The following SYT14 variants were observed in gnomAD, a reference collection of about 807,000 sequenced individuals.
SYT14 encodes synaptotagmin 14.
A neutral mutation model predicts 74.2 loss-of-function variants in SYT14; 32 were observed. That is an observed-to-expected ratio of 0.43 (90% confidence interval 0.33 to 0.58). The LOEUF is 0.58. Among genes scored for constraint, SYT14 ranks in the 20% least tolerant of loss-of-function variants. The pLI is 0.05. For synonymous variants in SYT14, 298 were observed against 337.7 expected, an observed-to-expected ratio of 0.88 and a Z score of 1.29; for missense variants, 791 against 981.8, an observed-to-expected ratio of 0.81 and a Z score of 2.60.
In SYT14 at chr1:209,938,281, A is replaced by G. The variant is rs1223269868; in HGVS notation, c.-534+4A>G. On this transcript the variant is annotated splice_donor_region_variant and intron_variant, in intron 1 of 9. Coordinates refer to ENST00000637265, the Ensembl canonical transcript of SYT14. ...GAGCGCATCATGGCGATTGAAGGTA[A>G]GTGGAGGCTGACAGCGGGGAGCGAG... 1.9e-6 allele frequency: 3 copies of G among 1,558,784 alleles called. No individual in the cohort carries two copies. The highest frequency in any genetic ancestry group is 5.0e-5 in the East Asian group (2 of 39,784).
rs765711998 is a variant in SYT14 at position 210,100,003 on chromosome 1, T to A, written c.1585-9T>A. 6 of 1,612,740 alleles carry A rather than the reference T, an allele frequency of 3.7e-6. No homozygotes were observed. In the South Asian group the frequency reaches 6.6e-5, roughly 18 times the overall value. On this transcript the variant is annotated splice_polypyrimidine_tract_variant and intron_variant, in intron 6 of 9. Transcript: ENST00000637265. The stretch of plus-strand genomic sequence containing the variant: ...TAAAAACTCTAACATTTAAATTTTC[T>A]TTTCTTAGGATATGTCAGCTCAAGG...
chr1:210,121,807 AG>A (rs2082472954), intron 7 of SYT14, among the ~76,000 whole-genome samples: 1 of 151,586 alleles, frequency 6.6e-6, no homozygotes, highest in Admixed American at 6.6e-5. Flanking sequence ...AAAAAAAAAA[AG>A]AAGAAAGAAA....
intron 4 of SYT14, among the ~76,000 whole-genome samples, chr1:210,017,652 C>T (rs1295205484): frequency 1.3e-5 from 2 of 152,148 alleles, no homozygotes; most frequent in East Asian, 1.9e-4. Flanking sequence ...AATAAGTATA[C>T]GTGAATAATC....
At chr1:210,057,172 A>T (rs186978559) in intron 5 of SYT14, among the ~76,000 whole-genome samples, 1 of 152,284 alleles carries the variant, frequency 6.6e-6, no homozygotes, top group African/African-American at 2.4e-5. Context: ...TTGAAATCCC[A>T]AGATTGGAGA....
In SYT14 at chr1:210,051,735, C is replaced by G. The variant is rs568226395; in HGVS notation, c.1312+30481C>G. On this transcript the variant is annotated intron_variant, in intron 5 of 9. Transcript: ENST00000637265. ...TGAATTCACAGAAATCTCCTTCCTT[C>G]TTTTTTACATCTGCAGGTTATACTT... Among the ~76,000 whole-genome samples, 4 of 152,050 alleles carry G rather than the reference C, an allele frequency of 2.6e-5. No homozygotes were observed. In the South Asian group the frequency reaches 8.4e-4, roughly 32 times the overall value.
intron 7 of SYT14, among the ~76,000 whole-genome samples, chr1:210,121,582 C>G (rs2082463069): frequency 6.6e-6 from 1 of 152,008 alleles, no homozygotes; most frequent in Non-Finnish European, 1.5e-5. Flanking sequence ...ATCACAAGGT[C>G]AGGAGATTGA....
At chr1:210,073,156 T>C (rs920267359) in intron 5 of SYT14, among the ~76,000 whole-genome samples, 2 of 152,020 alleles carry the variant, frequency 1.3e-5, no homozygotes, top group Non-Finnish European at 2.9e-5. Context: ...TTTCATTTTA[T>C]TTTTAGTTAC....
intron 4 of SYT14, among the ~76,000 whole-genome samples, chr1:210,019,522 C>T (rs1330209898): frequency 5.3e-5 from 8 of 152,146 alleles, no homozygotes; most frequent in Admixed American, 4.6e-4. Context: ...TAAATAGCCA[C>T]ATGTGACTAT....
chr1:210,023,888 C>G (rs760783368), intron 5 of SYT14, among the ~76,000 whole-genome samples: 5 of 152,134 alleles, frequency 3.3e-5, no homozygotes, highest in Non-Finnish European at 7.4e-5. Flanking sequence ...AGTTTTTAAG[C>G]AGGAGAGTGT....
intron 5 of SYT14, among the ~76,000 whole-genome samples, chr1:210,076,435 C>T (rs1179154006): frequency 1.3e-5 from 2 of 152,106 alleles, no homozygotes; most frequent in Admixed American, 1.3e-4. Flanking sequence ...GCAGTCACTC[C>T]CCAGCACCAG....
At chr1:210,029,362 T>G (rs2080480048) in intron 5 of SYT14, among the ~76,000 whole-genome samples, 1 of 152,298 alleles carries the variant, frequency 6.6e-6, no homozygotes, top group African/African-American at 2.4e-5. Flanking sequence ...TTGTGAGGCT[T>G]TTTCCCTATG....
chr1:210,087,042 G>T (rs1446814605), intron 5 of SYT14, among the ~76,000 whole-genome samples: 2 of 152,092 alleles, frequency 1.3e-5, no homozygotes, highest in Non-Finnish European at 2.9e-5. Flanking sequence ...CCCACTTGTG[G>T]GTGTCCTCAT....
intron 5 of SYT14, among the ~76,000 whole-genome samples, chr1:210,082,045 CA>C (rs1450330953): frequency 2.6e-5 from 4 of 152,150 alleles, no homozygotes; most frequent in Admixed American, 6.5e-5. Context: ...TATTTGACAG[CA>C]GCAGGAATTC....
At chr1:210,016,736 T>A in exon 4 of SYT14, 1 of 1,231,836 alleles carries the variant, frequency 8.1e-7, no homozygotes, top group South Asian at 4.1e-5. Context: ...TATGGGGCAT[T>A]TCAATAAATG....
chr1:210,036,539 C>T (rs1304764075), intron 5 of SYT14, among the ~76,000 whole-genome samples: 4 of 151,792 alleles, frequency 2.6e-5, no homozygotes, highest in Admixed American at 6.6e-5. Context: ...CTTTCTTTTA[C>T]CTATTCAGTA....
intron 5 of SYT14, among the ~76,000 whole-genome samples, chr1:210,033,974 A>C (rs906537075): frequency 6.6e-6 from 1 of 151,876 alleles, no homozygotes; most frequent in Non-Finnish European, 1.5e-5. Flanking sequence ...GATGGATTAC[A>C]ATATTTTGGA....
At chr1:210,149,136 ATG>A (rs2083105683) in intron 7 of SYT14, among the ~76,000 whole-genome samples, 1 of 151,510 alleles carries the variant, frequency 6.6e-6, no homozygotes, top group Non-Finnish European at 1.5e-5. Flanking sequence ...AAAAGTGCAT[ATG>A]TATATATACA....
intron 7 of SYT14, among the ~76,000 whole-genome samples, chr1:210,123,383 C>T (rs1346213694): frequency 1.3e-5 from 2 of 152,130 alleles, no homozygotes; most frequent in Non-Finnish European, 2.9e-5. Context: ...ATAAAGTGCA[C>T]ACAGAAGGAG....
intron 2 of SYT14, among the ~76,000 whole-genome samples, chr1:209,954,263 A>T (rs1417362603): frequency 6.6e-6 from 1 of 152,210 alleles, no homozygotes; most frequent in African/African-American, 2.4e-5. Flanking sequence ...AGAAAATTAG[A>T]TAAGGATAGA....
Sources: gnomAD v4.1 joint callset for allele counts (sites outside exome capture counted in the v4.1 genomes callset) on GRCh38, gnomAD v4.1.1 for gene constraint, MANE v1.5 for transcripts, NCBI Gene and HGNC (gene_info 2026-07-23, HGNC 2026-07-21) for gene names.